PHF8: variants seen among roughly 807,000 people sequenced by gnomAD.
PHF8 encodes the protein PHD finger protein 8.
A neutral mutation model predicts 74.4 loss-of-function variants in PHF8; 9 were observed. The observed-to-expected ratio is 0.12, with a 90% CI of 0.07 to 0.21. PHF8 has a LOEUF of 0.21. Among genes scored for constraint, PHF8 ranks in the 10% least tolerant of loss-of-function variants. The pLI, the probability that PHF8 is intolerant of heterozygous loss-of-function variation, is 1.00. For synonymous variants in PHF8, 311 were observed against 316.6 expected (o/e 0.98, Z 0.19); for missense variants, 478 against 816.6 (o/e 0.59, Z 5.05).
intron 11 of PHF8, among the ~76,000 whole-genome samples, 167 bp from the exon 12 acceptor site, chrX:53,995,949 A>G (rs1374543296): frequency 3.6e-5 from 4 of 110,793 alleles, no homozygotes; most frequent in Non-Finnish European, 1.9e-5. Context: ...AACAAACCTC[A>G]ATCCCTATCT....
intron 19 of PHF8, among the ~76,000 whole-genome samples, chrX:53,957,862 T>A (rs782371806): frequency 1.8e-5 from 2 of 111,334 alleles, no homozygotes; most frequent in Non-Finnish European, 3.8e-5. Flanking sequence ...GAAGTAGCCA[T>A]CTTGTGACTC....
At position 53,953,638 on chromosome X, in the gene PHF8, T is replaced by C. The variant is rs1401981091; in HGVS notation, c.2539+9206A>G. Among the ~76,000 whole-genome samples the C allele has an allele frequency of 4.5e-5, 4 of 89,063 alleles. No homozygotes were observed. In the East Asian group the frequency reaches 1.1e-3, roughly 24 times the overall value. 77.3% of individuals were successfully genotyped at this position (89,063 alleles called of 115,157 possible). The stretch of plus-strand genomic sequence containing the variant: ...CAGCCTGGGTGACAGAGTGACACTC[T>C]GTCTCAAAAAAAAAAAAAAGCGGGG... On this transcript the variant is annotated intron_variant, in intron 19 of 21. Coordinates refer to ENST00000338154, the MANE Select transcript of PHF8 (RefSeq NM_015107.3).
intron 12 of PHF8, chrX:53,994,987 G>T: frequency 3.8e-6 from 1 of 260,164 alleles, no homozygotes; most frequent in Non-Finnish European, 7.6e-6. Context: ...TGTGCGAGGG[G>T]CTCTACATAT....
intron 19 of PHF8, among the ~76,000 whole-genome samples, chrX:53,945,329 A>C (rs1250734275): frequency 9.9e-6 from 1 of 101,188 alleles, no homozygotes; most frequent in Non-Finnish European, 2.0e-5. Context: ...TGGGCGACAC[A>C]GCAAGACTCC....
At chrX:54,015,575 CAA>C (rs202093690) in intron 6 of PHF8, among the ~76,000 whole-genome samples, 19 of 33,045 alleles carry the variant, frequency 5.7e-4, no homozygotes, top group Non-Finnish European at 7.9e-4. Flanking sequence ...AACTCCGTCT[CAA>C]AAAAAAAAAA....
At chrX:53,949,207 T>C (rs2064880129) in intron 19 of PHF8, among the ~76,000 whole-genome samples, 1 of 110,511 alleles carries the variant, frequency 9.0e-6, no homozygotes, top group African/African-American at 3.3e-5. Context: ...TGGTGGCACG[T>C]GCCTGTAATC....
At chrX:53,961,653 A>C (rs781849686) in intron 19 of PHF8, among the ~76,000 whole-genome samples, 34 of 111,041 alleles carry the variant, frequency 3.1e-4, no homozygotes, top group African/African-American at 1.1e-3. Flanking sequence ...TTTACTGATT[A>C]ACTCACTAAC....
intron 2 of PHF8, among the ~76,000 whole-genome samples, chrX:54,038,582 A>T (rs2066500408): frequency 8.9e-6 from 1 of 112,011 alleles, no homozygotes; most frequent in Non-Finnish European, 1.9e-5. Context: ...CCGCTGTACA[A>T]ATCAAAGTGT....
intron 18 of PHF8, among the ~76,000 whole-genome samples, chrX:53,966,790 C>A (rs77224182): frequency 1.1e-3 from 117 of 102,256 alleles, no homozygotes; most frequent in Non-Finnish European, 1.3e-3. Context: ...AAGTGAGGAG[C>A]GCCTCTTCCC....
intron 14 of PHF8, among the ~76,000 whole-genome samples, chrX:53,990,893 C>A (rs2065648866): frequency 8.9e-6 from 1 of 111,891 alleles, no homozygotes; most frequent in Admixed American, 9.6e-5. Flanking sequence ...ATACCCACAT[C>A]ATTATCACCA....
At chrX:54,045,224 G>GGGAGA (rs2066623874), upstream of PHF8, 1 of 218,168 alleles carries the variant, frequency 4.6e-6, no homozygotes, top group South Asian at 2.1e-4. Flanking sequence ...CTGAGGGGAG[G>GGGAGA]GGAGAGGAGG....
intron 19 of PHF8, among the ~76,000 whole-genome samples, chrX:53,962,478 T>C (rs782060474): frequency 9.0e-6 from 1 of 111,176 alleles, no homozygotes; most frequent in African/African-American, 3.3e-5. Context: ...CAGCAGAATT[T>C]CCCTCCTTGA....
chrX:54,031,751 C>G (rs139425411), intron 2 of PHF8, among the ~76,000 whole-genome samples: 205 of 111,204 alleles, frequency 1.8e-3, no homozygotes, highest in African/African-American at 6.3e-3. Flanking sequence ...AATATATATT[C>G]AAAATCCAAC....
rs1557082697 is a variant in PHF8 at position 53,939,257 on chromosome X, A to G, written c.2987-11T>C. 8.3e-7 allele frequency: 1 copy of G among 1,199,179 alleles called. No homozygotes were observed. Among genetic ancestry groups the G allele is most frequent in the South Asian group, 1.8e-5 (1 of 56,189 alleles). On this transcript the variant is annotated splice_polypyrimidine_tract_variant and intron_variant, in intron 21 of 21. Transcript: ENST00000338154. ...TTTTGGGACGCTTTCCTGTGGGGGA[A>G]GGGAAAAGTAAGCAAGGGCTTTGGC...
At chrX:53,999,623 G>T in intron 11 of PHF8, 2 of 360,276 alleles carry the variant, frequency 5.6e-6, no homozygotes, top group South Asian at 8.0e-5. Context: ...AAAATCATAG[G>T]TGATAATTTT....
chrX:53,963,017 C>T (rs2065128018), intron 18 of PHF8, 78 bp from the exon 19 acceptor site: 2 of 607,697 alleles, frequency 3.3e-6, no homozygotes, highest in African/African-American at 4.4e-5. Context: ...ACTCCAGCTC[C>T]TGCCCTTCCC....
At chrX:54,018,587 C>T (rs2066111768) in intron 4 of PHF8, among the ~76,000 whole-genome samples, 1 of 108,455 alleles carries the variant, frequency 9.2e-6, no homozygotes, top group African/African-American at 3.4e-5. Context: ...TGTGTTGGGA[C>T]AAATATATTA....
At chrX:54,009,797 C>T (rs1328203961) in intron 8 of PHF8, among the ~76,000 whole-genome samples, 7 of 85,893 alleles carry the variant, frequency 8.1e-5, no homozygotes, top group Non-Finnish European at 1.5e-4. Context: ...GAGCCGGGAT[C>T]GCACCACTAC....
chrX:54,030,525 C>T (rs1164219449), intron 2 of PHF8, among the ~76,000 whole-genome samples: 1 of 111,644 alleles, frequency 9.0e-6, no homozygotes, highest in Admixed American at 9.5e-5. Context: ...CAGACACTGC[C>T]CTCATGGACT....
Sources: allele counts gnomAD v4.1 joint callset (sites outside exome capture counted in the v4.1 genomes callset), GRCh38; gene constraint gnomAD v4.1.1; transcripts MANE v1.5; gene names NCBI Gene and HGNC (gene_info 2026-07-23, HGNC 2026-07-21).